The following WWP2 variants were observed in gnomAD, a reference collection of about 807,000 sequenced individuals.
WWP2 encodes the protein WW domain containing E3 ubiquitin protein ligase 2, also known as NEDD4-like E3 ubiquitin-protein ligase WWP2.
A neutral mutation model predicts 121.0 loss-of-function variants in WWP2; 57 were observed. The observed-to-expected ratio is 0.47, with a 90% confidence interval of 0.38 to 0.59. The LOEUF is 0.59. Among genes scored for constraint, WWP2 ranks in the 20% least tolerant of loss-of-function variants. The pLI, the probability that WWP2 is intolerant of heterozygous loss-of-function variation, is 0.00. For synonymous variants in WWP2, 449 were observed against 441.3 expected (o/e 1.02, Z -0.22); for missense variants, 962 against 1,158.9 (o/e 0.83, Z 2.47).
intron 6 of WWP2, among the ~76,000 whole-genome samples, chr16:69,857,226 C>G (rs933392875): frequency 6.6e-6 from 1 of 152,094 alleles, no homozygotes; most frequent in Non-Finnish European, 1.5e-5. Context: ...GCCTCAGCCT[C>G]CCGAGTAGCT....
In WWP2 at chr16:69,937,303, GCTCA is replaced by G. The variant is rs1420826003; in HGVS notation, c.2238+68_2238+71del. 6.3e-7 allele frequency: 1 copy of G among 1,590,224 alleles called. No homozygotes were observed. Among genetic ancestry groups the G allele is most frequent in the Admixed American group, 1.7e-5 (1 of 58,778 alleles). On this transcript the variant is annotated intron_variant, in intron 20 of 23. Transcript: ENST00000359154. The surrounding 1 kb of genome is among the most constrained non-coding windows in gnomAD (Gnocchi z 6.6). ...CTGGGGCGATCCTGCTCTGTGATACGCTCACTGTGTACCCACAGACACTCAGCGT... is the reference window on the plus strand; with the variant it reads ...CTGGGGCGATCCTGCTCTGTGATACGCTGTGTACCCACAGACACTCAGCGT...
chr16:69,908,673 C>T, intron 8 of WWP2, 88 bp from the exon 9 acceptor site: 1 of 1,570,134 alleles, frequency 6.4e-7, no homozygotes, highest in African/African-American at 1.4e-5. Context: ...TGTAAATTAG[C>T]CACATGAGTG....
intron 4 of WWP2, among the ~76,000 whole-genome samples, chr16:69,832,208 A>C (rs2056805912): frequency 6.6e-6 from 1 of 152,150 alleles, no homozygotes; most frequent in Non-Finnish European, 1.5e-5. Context: ...CTGTTATAGG[A>C]AATGTGAAAC....
intron 6 of WWP2, among the ~76,000 whole-genome samples, chr16:69,851,886 G>A (rs1476989313): frequency 2.6e-5 from 4 of 152,136 alleles, no homozygotes; most frequent in African/African-American, 4.8e-5. Flanking sequence ...GGGAGGCTGA[G>A]GCAGGAGAAT....
At chr16:69,921,370 C>G (rs1231233701) in intron 10 of WWP2, among the ~76,000 whole-genome samples, 37 of 152,148 alleles carry the variant, frequency 2.4e-4, no homozygotes, top group Admixed American at 2.4e-3. Context: ...AGCGGCCTCC[C>G]CTCCTCCTCT....
Position 69,846,049 on chromosome 16 carries a change from C to CAAAAAAAAAAAAAAAAAAAAAAAAAA in WWP2, c.575+3950_575+3951insAAAAAAAAAAAAAAAAAAAAAAAAAA, listed in dbSNP as rs57201672. On this transcript the variant is annotated intron_variant, in intron 6 of 23. Transcript: ENST00000359154. ...TGGGTGACAGAGCCAGACTCCATCT[C>CAAAAAAAAAAAAAAAAAAAAAAAAAA]AAAAAAAAAAAAAAAAAAAAAGAAT... Among the ~76,000 whole-genome samples the CAAAAAAAAAAAAAAAAAAAAAAAAAA allele has an allele frequency of 3.9e-4, 18 of 45,594 alleles. 2 individuals are homozygous for CAAAAAAAAAAAAAAAAAAAAAAAAAA. The highest frequency in any genetic ancestry group is 5.0e-4 in the Non-Finnish European group (14 of 27,728). The allele number at this position is 45,594 out of a possible 152,430, so 29.9% of individuals were successfully genotyped here.
chr16:69,872,577 G>A (rs983871422), intron 7 of WWP2, among the ~76,000 whole-genome samples: 2 of 152,148 alleles, frequency 1.3e-5, no homozygotes, highest in Admixed American at 6.6e-5. Flanking sequence ...TTTATACATA[G>A]CATATTTTTT....
At chr16:69,875,412 A>G (rs1288211677) in intron 7 of WWP2, among the ~76,000 whole-genome samples, 2 of 152,170 alleles carry the variant, frequency 1.3e-5, no homozygotes, top group African/African-American at 4.8e-5. Context: ...GGCTGTGGCA[A>G]TTTCTAATAA....
chr16:69,834,060 C>T (rs553184698), intron 4 of WWP2, among the ~76,000 whole-genome samples: 80 of 152,354 alleles, frequency 5.3e-4, no homozygotes, highest in Non-Finnish European at 8.7e-4. Flanking sequence ...TACCTCAGCC[C>T]TTCTCCTGTA....
intron 2 of WWP2, among the ~76,000 whole-genome samples, chr16:69,789,967 G>A (rs1280976842): frequency 6.6e-6 from 1 of 152,220 alleles, no homozygotes; most frequent in Non-Finnish European, 1.5e-5. Context: ...GATTGGCTGG[G>A]TGCGGTGGCT....
At chr16:69,853,772 C>T (rs1314968647) in intron 6 of WWP2, among the ~76,000 whole-genome samples, 1 of 152,128 alleles carries the variant, frequency 6.6e-6, no homozygotes, top group East Asian at 1.9e-4. Context: ...GCTAATGAGA[C>T]AAGGTGAAGG....
chr16:69,938,180 A>C (rs561600878), intron 21 of WWP2, among the ~76,000 whole-genome samples: 1 of 148,584 alleles, frequency 6.7e-6, no homozygotes, highest in Non-Finnish European at 1.5e-5. Flanking sequence ...TTAACTATTA[A>C]TTTTTTTTTT....
rs2058844565 is a variant in WWP2 at position 69,939,264 on chromosome 16, T to A, written c.2441-77T>A. 3 of 1,594,188 alleles carry A rather than the reference T, an allele frequency of 1.9e-6. No individual in the cohort carries two copies. In the South Asian group the frequency reaches 3.3e-5, roughly 18 times the overall value. On this transcript the variant is annotated intron_variant, in intron 22 of 23. Transcript: ENST00000359154. ...TCTGCATCCTGGGGCCGAGCCCATC[T>A]GTGGGTGGAGCCGGAGGATCCTGCT...
At chr16:69,786,377 C>G (rs1333016364) in intron 1 of WWP2, among the ~76,000 whole-genome samples, 1 of 151,092 alleles carries the variant, frequency 6.6e-6, no homozygotes, top group East Asian at 1.9e-4. Context: ...AACTCCCAAC[C>G]CTGTAATCCA....
intron 6 of WWP2, among the ~76,000 whole-genome samples, chr16:69,848,262 C>T (rs1353300855): frequency 6.6e-6 from 1 of 151,626 alleles, no homozygotes; most frequent in Non-Finnish European, 1.5e-5. Context: ...ACCAGCCTGA[C>T]CAACATGGAG....
rs1291907818 is a variant in WWP2 at position 69,798,790 on chromosome 16, T to C, written c.179T>C (p.Ile60Thr). The C allele has an allele frequency of 3.7e-6, 6 of 1,614,006 alleles. No homozygotes were observed. The South Asian group carries it at 5.5e-5, about 15-fold the overall frequency. The change falls in exon 3 of 24, where the codon ATT becomes ACT. Residue 60 changes from isoleucine (I) to threonine (T), a missense_variant. Ile to Thr is a moderately conservative substitution (Grantham distance 89, BLOSUM62 -1). Coordinates refer to ENST00000359154, the MANE Select transcript of WWP2 (RefSeq NM_001270454.2). The stretch of plus-strand genomic sequence containing the variant: ...GAGACCAAGAAGACTGGGAAGCGCA[T>C]TGGGAGCTCTGAGCTTCTCTGGAAT... ...PSETKKTGKR[I>T]GSSELLWNEI...
chr16:69,836,056 G>A (rs1206474870), intron 4 of WWP2, among the ~76,000 whole-genome samples: 3 of 152,196 alleles, frequency 2.0e-5, no homozygotes, highest in Admixed American at 2.0e-4. Flanking sequence ...ACCCACCTCG[G>A]CCTCCCAAAG....
chr16:69,787,221 G>A, intron 2 of WWP2, 141 bp downstream of exon 2: 1 of 559,556 alleles, frequency 1.8e-6, no homozygotes, highest in Non-Finnish European at 3.0e-6. Context: ...TTGTCATCTT[G>A]TAGCTGTAAT....
chr16:69,845,421 G>C lies in WWP2; in HGVS notation c.575+3301G>C, dbSNP rs561716343. 3.9e-5 allele frequency among the ~76,000 whole-genome samples: 6 copies of C among 152,208 alleles called. No homozygotes were observed. In the South Asian group the frequency reaches 6.2e-4, roughly 16 times the overall value. ...AGTCCTTTGCTGTCCTTGCTTTCTG[G>C]GGGCAGAGAGAATGATGGGCTTCTG... is the stretch of plus-strand genomic sequence containing the variant. On this transcript the variant is annotated intron_variant, in intron 6 of 23. Transcript: ENST00000359154.
Sources: allele counts gnomAD v4.1 joint callset (sites outside exome capture counted in the v4.1 genomes callset), GRCh38; gene constraint gnomAD v4.1.1; non-coding constraint Gnocchi (gnomAD v3.1); transcripts MANE v1.5; gene names NCBI Gene and HGNC (gene_info 2026-07-23, HGNC 2026-07-21).